DMD: variants seen among roughly 807,000 people sequenced by gnomAD.
DMD encodes mutant dystrophin.
Under a neutral mutation model 330.1 loss-of-function variants are expected in DMD, and 63 were observed. The observed-to-expected ratio is 0.19, with a 90% CI of 0.16 to 0.24. DMD has a LOEUF of 0.24. Ranked by LOEUF, DMD falls within the 10% of genes least tolerant of loss-of-function variation. The pLI is 1.00. For missense variants in DMD, 3,344 were observed against 2,684.1 expected, an observed-to-expected ratio of 1.25 and a Z score of -5.43; for synonymous variants, 1,223 against 959.8, an observed-to-expected ratio of 1.27 and a Z score of -5.07.
intron 52 of DMD, among the ~76,000 whole-genome samples, chrX:31,697,880 T>C (rs1352637198): frequency 8.9e-6 from 1 of 111,955 alleles, no homozygotes; most frequent in South Asian, 3.7e-4. Context: ...GGATTAGCGA[T>C]GAAATAGTGG....
intron 12 of DMD, 128 bp downstream of exon 12, chrX:32,614,175 T>C (rs900601223): frequency 1.4e-6 from 1 of 720,277 alleles, no homozygotes; most frequent in African/African-American, 2.2e-5. Flanking sequence ...TAAAAATAAT[T>C]TTTAAAATAT....
chrX:32,446,451 C>G lies in DMD; in HGVS notation c.3786+2005G>C, dbSNP rs182051553. 3.7e-4 allele frequency among the ~76,000 whole-genome samples: 40 copies of G among 109,318 alleles called. 1 individual carries two copies. In the East Asian group the frequency reaches 9.5e-3, roughly 26 times the overall value. The allele number at this position is 109,318 out of a possible 115,157, so 94.9% of individuals were successfully genotyped here. ...CCTTACATAATTTCCTGCTCAACTG[C>G]ATCATTATCCAATACTCAGGGCAAA... is the stretch of plus-strand genomic sequence containing the variant. On this transcript the variant is annotated intron_variant, in intron 27 of 78. Coordinates refer to ENST00000357033, the MANE Select transcript of DMD (RefSeq NM_004006.3).
intron 1 of DMD, among the ~76,000 whole-genome samples, chrX:33,328,423 C>T (rs1408070293): frequency 9.0e-6 from 1 of 110,511 alleles, no homozygotes; most frequent in Non-Finnish European, 1.9e-5. Flanking sequence ...GTCTCGAACT[C>T]CTGACCTCAT....
chrX:32,061,386 G>T lies in DMD; in HGVS notation c.6439-92872C>A, dbSNP rs188404428. 5.3e-4 allele frequency among the ~76,000 whole-genome samples: 59 copies of T among 111,116 alleles called. No individual in the cohort carries two copies. The East Asian group carries it at 0.015, about 29-fold the overall frequency. On this transcript the variant is annotated intron_variant, in intron 44 of 78. Transcript: ENST00000357033. ...ATCTCAGCTGGTAAGAAATTAAAGT[G>T]TCTCAGTACGATGACAAGAAACTAC... is the stretch of plus-strand genomic sequence containing the variant.
chrX:31,896,778 A>G (rs2094340311), intron 47 of DMD, among the ~76,000 whole-genome samples: 1 of 111,997 alleles, frequency 8.9e-6, no homozygotes, highest in South Asian at 3.7e-4. Context: ...GTAAAAACAA[A>G]AAGAAAACAA....
chrX:33,088,626 A>G (rs2095041384), intron 1 of DMD, among the ~76,000 whole-genome samples: 1 of 111,232 alleles, frequency 9.0e-6, no homozygotes, highest in South Asian at 3.8e-4. Flanking sequence ...CGGAGCTTGC[A>G]GTGAGCCGAC....
At chrX:32,951,037 G>T (rs748491049) in intron 2 of DMD, among the ~76,000 whole-genome samples, 141 of 111,522 alleles carry the variant, frequency 1.3e-3, no homozygotes, top group African/African-American at 4.2e-3. Flanking sequence ...TTACAAAAAC[G>T]TCACACACAC....
chrX:31,364,648 A>T (rs187574366), intron 60 of DMD, among the ~76,000 whole-genome samples: 197 of 112,398 alleles, frequency 1.8e-3, no homozygotes, highest in Middle Eastern at 9.1e-3. Context: ...TAAGTTGCTC[A>T]AGAACCACAA....
At chrX:32,760,085 C>T (rs1464151349) in intron 7 of DMD, among the ~76,000 whole-genome samples, 1 of 95,410 alleles carries the variant, frequency 1.0e-5, no homozygotes, top group Admixed American at 1.2e-4. Context: ...ACTTTTGACT[C>T]TTGTAATTAT....
chrX:32,535,503 C>G (rs1055441762), intron 17 of DMD, among the ~76,000 whole-genome samples: 3 of 111,645 alleles, frequency 2.7e-5, no homozygotes, highest in Non-Finnish European at 5.6e-5. Flanking sequence ...GCTCCCTCTT[C>G]AACAATCCAA....
In DMD at chrX:32,051,639, G is replaced by A. The variant is rs192286101; in HGVS notation, c.6439-83125C>T. On this transcript the variant is annotated intron_variant, in intron 44 of 78. Coordinates refer to ENST00000357033, the MANE Select transcript of DMD (RefSeq NM_004006.3). Reference sequence around the variant, plus strand: ...AAGAACGGCTCAATGATGATATTTAGAATCTAGTGATAATTGAAACTTAGT... The same window carrying A: ...AAGAACGGCTCAATGATGATATTTAAAATCTAGTGATAATTGAAACTTAGT... 2.4e-3 allele frequency among the ~76,000 whole-genome samples: 267 copies of A among 109,429 alleles called. 2 individuals carry two copies. The highest frequency in any genetic ancestry group is 8.4e-3 in the African/African-American group (252 of 30,101).
chrX:32,778,174 G>A (rs1486769971), intron 7 of DMD, among the ~76,000 whole-genome samples: 1 of 106,954 alleles, frequency 9.3e-6, no homozygotes, highest in Non-Finnish European at 1.9e-5. Flanking sequence ...AAGAAGCGTA[G>A]AGGATAATAT....
chrX:32,435,842 C>T (rs1179805905), intron 29 of DMD, among the ~76,000 whole-genome samples: 2 of 111,485 alleles, frequency 1.8e-5, no homozygotes, highest in Non-Finnish European at 3.8e-5. Context: ...TCTATGGGTA[C>T]CCAATAAGCA....
chrX:31,182,147 C>T (rs183993265), intron 68 of DMD, among the ~76,000 whole-genome samples: 60 of 112,081 alleles, frequency 5.4e-4, no homozygotes, highest in African/African-American at 1.9e-3. Flanking sequence ...CTTCCATTTA[C>T]TTGCCTACTT....
At chrX:32,976,708 G>A (rs1489245413) in intron 2 of DMD, among the ~76,000 whole-genome samples, 1 of 111,310 alleles carries the variant, frequency 9.0e-6, no homozygotes, top group Non-Finnish European at 1.9e-5. Flanking sequence ...GTGGTTTTAG[G>A]TACAGGTACT....
At chrX:31,769,454 T>C (rs2090202199) in intron 51 of DMD, among the ~76,000 whole-genome samples, 1 of 112,095 alleles carries the variant, frequency 8.9e-6, no homozygotes, top group Admixed American at 9.5e-5. Flanking sequence ...TGGTCTTTAT[T>C]TCAGGTCTAC....
At chrX:31,173,400 C>T (rs2040196581) in intron 72 of DMD, 139 bp downstream of exon 72, 5 of 667,997 alleles carry the variant, frequency 7.5e-6, no homozygotes, top group Non-Finnish European at 1.2e-5. Context: ...ACGGCATGCA[C>T]GTTAGAGGGC....
At chrX:31,725,148 C>T (rs1375750468) in intron 52 of DMD, among the ~76,000 whole-genome samples, 3 of 111,413 alleles carry the variant, frequency 2.7e-5, no homozygotes, top group Non-Finnish European at 5.7e-5. Flanking sequence ...AATTCTACTT[C>T]CTCACTTGTC....
intron 29 of DMD, among the ~76,000 whole-genome samples, chrX:32,418,864 G>A (rs1381887329): frequency 4.7e-5 from 5 of 105,477 alleles, no homozygotes; most frequent in South Asian, 8.6e-4. Context: ...TCCCAGCTAC[G>A]CAGGAGGCTG....
Sources: gnomAD v4.1 joint callset for allele counts (sites outside exome capture counted in the v4.1 genomes callset) on GRCh38, gnomAD v4.1.1 for gene constraint, MANE v1.5 for transcripts, NCBI Gene and HGNC (gene_info 2026-07-23, HGNC 2026-07-21) for gene names.